The following IMMP2L variants were observed in gnomAD, a reference collection of about 807,000 sequenced individuals.
IMMP2L encodes mitochondrial inner membrane protease subunit 2.
In IMMP2L, 18 loss-of-function variants were observed where a neutral mutation model predicts 19.3. That is an observed-to-expected ratio of 0.93 (90% CI 0.64 to 1.38). The LOEUF (loss-of-function observed/expected upper bound fraction) is 1.38. Among genes scored for constraint, IMMP2L ranks in the 40% most tolerant of loss-of-function variants. IMMP2L has a pLI of 0.00. For missense variants in IMMP2L, 233 were observed against 218.2 expected (o/e 1.07, Z -0.43); for synonymous variants, 76 against 73.0 (o/e 1.04, Z -0.21).
chr7:110,749,278 C>A (rs1297719067), intron 5 of IMMP2L, among the ~76,000 whole-genome samples: 2 of 152,080 alleles, frequency 1.3e-5, no homozygotes, highest in Non-Finnish European at 2.9e-5. Context: ...GAAATAGGAA[C>A]GTTTTTACAC....
chr7:111,237,505 T>C (rs1255934318), intron 3 of IMMP2L, among the ~76,000 whole-genome samples: 1 of 152,020 alleles, frequency 6.6e-6, no homozygotes, highest in Non-Finnish European at 1.5e-5. Context: ...AGATAAACTA[T>C]ATATTACCTT....
At chr7:111,280,439 A>T (rs1563002520) in intron 3 of IMMP2L, among the ~76,000 whole-genome samples, 1 of 152,190 alleles carries the variant, frequency 6.6e-6, no homozygotes, top group Non-Finnish European at 1.5e-5. Flanking sequence ...ACAGTGTGAG[A>T]ATATCCTTTA....
intron 4 of IMMP2L, among the ~76,000 whole-genome samples, chr7:110,918,524 C>T (rs763931726): frequency 2.0e-5 from 3 of 147,556 alleles, no homozygotes; most frequent in South Asian, 2.1e-4. Flanking sequence ...GGCGCGATCT[C>T]GGCTCACTGC....
At chr7:111,228,220 T>C (rs1168048858) in intron 3 of IMMP2L, among the ~76,000 whole-genome samples, 2 of 151,738 alleles carry the variant, frequency 1.3e-5, no homozygotes, top group East Asian at 1.9e-4. Flanking sequence ...CACAAGACAA[T>C]AGCATATAAA....
At chr7:111,470,085 A>C (rs1841092013) in intron 3 of IMMP2L, among the ~76,000 whole-genome samples, 3 of 152,208 alleles carry the variant, frequency 2.0e-5, no homozygotes, top group African/African-American at 7.2e-5. Flanking sequence ...GACACTTCTC[A>C]AAAGAAGACA....
chr7:111,300,178 C>T lies in IMMP2L; in HGVS notation c.239+187060G>A, dbSNP rs562598396. 5.9e-5 allele frequency among the ~76,000 whole-genome samples: 9 copies of T among 152,234 alleles called. 1 individual carries two copies. In the East Asian group the frequency reaches 1.7e-3, roughly 29 times the overall value. On this transcript the variant is annotated intron_variant, in intron 3 of 5. Coordinates refer to ENST00000405709, the MANE Select transcript of IMMP2L (RefSeq NM_032549.4). ...CAAGTATCACACACAACCTAAAACA[C>T]TCCTGGATAACATCCTGTACTTTTA...
chr7:110,688,050 T>C (rs1030363760), intron 5 of IMMP2L, among the ~76,000 whole-genome samples: 10 of 151,866 alleles, frequency 6.6e-5, no homozygotes, highest in African/African-American at 2.4e-4. Flanking sequence ...GGAGAAGAAA[T>C]GTCACATGGA....
intron 3 of IMMP2L, among the ~76,000 whole-genome samples, chr7:111,482,460 A>AAAGGAAGCCCCCCATCGTCCTTCCTTTC (rs1304563461): frequency 6.6e-6 from 1 of 152,102 alleles, no homozygotes. Context: ...AAAGGAAGAG[A>AAAGGAAGCCCCCCATCGTCCTTCCTTTC]AAGGAAGCCC....
chr7:110,850,595 G>A (rs799647), intron 5 of IMMP2L, among the ~76,000 whole-genome samples: 76 of 151,920 alleles, frequency 5.0e-4, no homozygotes, highest in African/African-American at 1.5e-3. Flanking sequence ...CCACTGGCTC[G>A]CCCTCATGCC....
intron 4 of IMMP2L, 65 bp downstream of exon 4, chr7:110,963,435 G>C (rs1819176537): frequency 8.8e-7 from 1 of 1,140,244 alleles, no homozygotes; most frequent in Non-Finnish European, 1.3e-6. Context: ...TATTTCCCAA[G>C]TAATGTAGGT....
chr7:111,113,168 T>C (rs1304101255), intron 3 of IMMP2L, among the ~76,000 whole-genome samples: 1 of 152,192 alleles, frequency 6.6e-6, no homozygotes, highest in Non-Finnish European at 1.5e-5. Flanking sequence ...ATGTTCTTCA[T>C]TCTCTATCTA....
At position 110,772,758 on chromosome 7, in the gene IMMP2L, T is replaced by C. The variant is rs563594219; in HGVS notation, c.409-109037A>G. 4.6e-5 allele frequency among the ~76,000 whole-genome samples: 7 copies of C among 152,214 alleles called. No individual in the cohort carries two copies. In the South Asian group the frequency reaches 1.2e-3, roughly 27 times the overall value. On this transcript the variant is annotated intron_variant, in intron 5 of 5. Transcript: ENST00000405709. The stretch of plus-strand genomic sequence containing the variant: ...GTCTTGACTCCCCCACTCAAGTCAT[T>C]TGTAAGCACTATGCAAGCCCTGGGT...
At chr7:110,883,274 T>C (rs977407750) in intron 5 of IMMP2L, among the ~76,000 whole-genome samples, 1 of 152,146 alleles carries the variant, frequency 6.6e-6, no homozygotes, top group Non-Finnish European at 1.5e-5. Context: ...TTTTCCACAG[T>C]TGTCTGTTTA....
intron 3 of IMMP2L, among the ~76,000 whole-genome samples, chr7:111,136,017 A>G (rs1785319860): frequency 6.6e-6 from 1 of 150,526 alleles, no homozygotes; most frequent in Non-Finnish European, 1.5e-5. Flanking sequence ...TCAGTTGCTT[A>G]TATGTCACCC....
At chr7:111,205,017 TG>T (rs894774127) in intron 3 of IMMP2L, among the ~76,000 whole-genome samples, 3 of 152,202 alleles carry the variant, frequency 2.0e-5, no homozygotes, top group African/African-American at 7.2e-5. Flanking sequence ...CTTACAGTTC[TG>T]GAGGCTGAGA....
rs182395612 is a variant in IMMP2L at position 111,332,669 on chromosome 7, A to G, written c.239+154569T>C. Among the ~76,000 whole-genome samples, 211 of 152,164 alleles carry G rather than the reference A, an allele frequency of 1.4e-3. 2 individuals carry two copies. The highest frequency in any genetic ancestry group is 1.9e-3 in the Non-Finnish European group (130 of 67,978). On this transcript the variant is annotated intron_variant, in intron 3 of 5. Transcript: ENST00000405709. ...ACACCTACAATATAACTAATAAGGTAGATTTTATGAATATATGTCAAACTT... is the reference window on the plus strand; with the variant it reads ...ACACCTACAATATAACTAATAAGGTGGATTTTATGAATATATGTCAAACTT...
chr7:111,097,072 G>A (rs1563238261), intron 3 of IMMP2L: 1 of 151,848 alleles, frequency 6.6e-6, no homozygotes, highest in East Asian at 1.9e-4. Flanking sequence ...TTCAGGGAAG[G>A]AGTGTAAACA....
intron 3 of IMMP2L, among the ~76,000 whole-genome samples, chr7:111,177,785 T>C (rs1306401626): frequency 6.6e-6 from 1 of 152,012 alleles, no homozygotes; most frequent in Admixed American, 6.6e-5. Flanking sequence ...TATTCACATA[T>C]AGAAACATCA....
At position 111,540,248 on chromosome 7, in the gene IMMP2L, A is replaced by G. The variant is rs150246145; in HGVS notation, c.-2-18799T>C. Among the ~76,000 whole-genome samples, 85 of 152,328 alleles carry G rather than the reference A, an allele frequency of 5.6e-4. 2 individuals carry two copies. Among genetic ancestry groups the G allele is most frequent in the African/African-American group, 1.9e-3 (79 of 41,582 alleles). On this transcript the variant is annotated intron_variant, in intron 1 of 5. Coordinates refer to ENST00000405709, the MANE Select transcript of IMMP2L (RefSeq NM_032549.4). ...TAACTGAAACTGGGGGTGCTCCATC[A>G]TAAAACATCCAGAAGACCAGTGGGG...
Sources: allele counts gnomAD v4.1 joint callset (sites outside exome capture counted in the v4.1 genomes callset), GRCh38; gene constraint gnomAD v4.1.1; transcripts MANE v1.5; gene names NCBI Gene and HGNC (gene_info 2026-07-23, HGNC 2026-07-21).